The following GFRAL variants were observed in gnomAD, a reference collection of about 807,000 sequenced individuals.
GFRAL encodes GDNF family receptor alpha-like.
GFRAL carries 36 observed loss-of-function variants against 45.4 expected under a neutral mutation model. The observed-to-expected ratio is 0.79, with a 90% confidence interval of 0.61 to 1.05. GFRAL has a LOEUF of 1.05. Among genes scored for constraint, GFRAL ranks in the 50% least tolerant of loss-of-function variants. The probability of loss-of-function intolerance (pLI) is 0.00; values close to 1 mark genes in which losing one functional copy is unlikely to be tolerated. For synonymous variants in GFRAL, 166 were observed against 154.1 expected, an observed-to-expected ratio of 1.08 and a Z score of -0.57; for missense variants, 507 against 467.5, an observed-to-expected ratio of 1.08 and a Z score of -0.78.
chr6:55,365,639 T>C (rs1230918361), intron 6 of GFRAL, among the ~76,000 whole-genome samples: 10 of 134,738 alleles, frequency 7.4e-5, no homozygotes, highest in African/African-American at 3.0e-4. Flanking sequence ...ATTGAGAGTT[T>C]TTAGCATGAA....
intron 6 of GFRAL, among the ~76,000 whole-genome samples, chr6:55,380,022 T>A (rs1424858962): frequency 1.4e-4 from 22 of 152,016 alleles, no homozygotes; most frequent in Admixed American, 1.1e-3. Context: ...ATTGTGTATG[T>A]ATATCACATT....
At chr6:55,331,649 C>A in intron 1 of GFRAL, 66 bp from the exon 2 acceptor site, 2 of 1,452,876 alleles carry the variant, frequency 1.4e-6, no homozygotes, top group South Asian at 1.3e-5. Flanking sequence ...TCATTAATAA[C>A]TTAGATTTGA....
At chr6:55,367,012 C>T (rs1224141049) in intron 6 of GFRAL, among the ~76,000 whole-genome samples, 1 of 46,018 alleles carries the variant, frequency 2.2e-5, no homozygotes, top group East Asian at 3.6e-4. Flanking sequence ...CTTTCTGTCT[C>T]GTTGATCTGT....
intron 6 of GFRAL, among the ~76,000 whole-genome samples, chr6:55,369,331 C>T (rs1050017889): frequency 5.9e-5 from 9 of 152,292 alleles, no homozygotes; most frequent in African/African-American, 1.9e-4. Context: ...CACTGACCTG[C>T]GCCTACTGTC....
intron 6 of GFRAL, among the ~76,000 whole-genome samples, chr6:55,377,610 GA>G (rs971008135): frequency 9.2e-5 from 14 of 151,940 alleles, no homozygotes; most frequent in Non-Finnish European, 1.6e-4. Context: ...TATCTGTGGG[GA>G]GGCTGGGAAA....
At chr6:55,357,217 A>G (rs1326009679) in intron 5 of GFRAL, among the ~76,000 whole-genome samples, 1 of 151,982 alleles carries the variant, frequency 6.6e-6, no homozygotes, top group African/African-American at 2.4e-5. Flanking sequence ...TTTTATCTAT[A>G]GTGCAGATTA....
At chr6:55,392,980 G>C (rs771402624) in intron 6 of GFRAL, among the ~76,000 whole-genome samples, 7 of 152,034 alleles carry the variant, frequency 4.6e-5, no homozygotes, top group African/African-American at 1.7e-4. Context: ...AGAAATTGTC[G>C]TACATAGCGT....
chr6:55,363,594 C>A (rs796086179), intron 6 of GFRAL, among the ~76,000 whole-genome samples: 1 of 108,494 alleles, frequency 9.2e-6, no homozygotes, highest in Non-Finnish European at 1.8e-5. Context: ...CCCCTCCCCC[C>A]ACCCCACCTC....
In GFRAL at chr6:55,331,856, A is replaced by G. The variant is rs552808480; in HGVS notation, c.157+7A>G. 15 of 1,605,004 alleles carry G rather than the reference A, an allele frequency of 9.3e-6. No homozygotes were observed. In the South Asian group the frequency reaches 1.1e-4, roughly 12 times the overall value. Reference sequence around the variant, plus strand: ...GATGCCTGCAATGATTCAGGTAAACAAGTTGCTAAAAATACACTCAAATGA... The same window carrying G: ...GATGCCTGCAATGATTCAGGTAAACGAGTTGCTAAAAATACACTCAAATGA... On this transcript the variant is annotated splice_region_variant and intron_variant, in intron 2 of 8. Coordinates refer to ENST00000340465, the MANE Select transcript of GFRAL (RefSeq NM_207410.2).
chr6:55,395,650 A>G (rs554835665), intron 6 of GFRAL, among the ~76,000 whole-genome samples: 29 of 152,122 alleles, frequency 1.9e-4, no homozygotes, highest in African/African-American at 6.3e-4. Context: ...GTATTCTGAC[A>G]TTTATTTCTA....
intron 3 of GFRAL, among the ~76,000 whole-genome samples, chr6:55,343,659 G>A (rs1768000005): frequency 1.3e-5 from 2 of 151,942 alleles, no homozygotes; most frequent in South Asian, 4.2e-4. Flanking sequence ...CTAGCAGAAG[G>A]CAAGAAATAA....
intron 3 of GFRAL, among the ~76,000 whole-genome samples, chr6:55,343,092 C>T (rs1282789469): frequency 6.6e-6 from 1 of 151,956 alleles, no homozygotes; most frequent in Non-Finnish European, 1.5e-5. Context: ...ATTTTAACAC[C>T]CCACTGTCAA....
chr6:55,346,710 T>C (rs1337698652), intron 3 of GFRAL, among the ~76,000 whole-genome samples: 1 of 151,282 alleles, frequency 6.6e-6, no homozygotes, highest in Non-Finnish European at 1.5e-5. Context: ...AAAAAAAAAG[T>C]TGACCATATG....
intron 6 of GFRAL, among the ~76,000 whole-genome samples, chr6:55,393,197 G>A (rs544732289): frequency 1.1e-3 from 170 of 152,128 alleles, no homozygotes; most frequent in Admixed American, 1.9e-3. Context: ...TGTTTTCCTG[G>A]ATTCTAAAAT....
intron 3 of GFRAL, among the ~76,000 whole-genome samples, chr6:55,340,535 G>C (rs1581901130): frequency 6.6e-6 from 1 of 152,046 alleles, no homozygotes; most frequent in Non-Finnish European, 1.5e-5. Context: ...AACAAAAGTG[G>C]TTGGCAGCAG....
At chr6:55,335,603 A>G (rs146985246) in intron 3 of GFRAL, among the ~76,000 whole-genome samples, 1,988 of 152,286 alleles carry the variant, frequency 0.013, 23 homozygotes, top group Non-Finnish European at 0.022. Context: ...TACATTATGA[A>G]TTAATTTTTG....
chr6:55,355,868 T>C (rs934613437), intron 5 of GFRAL, among the ~76,000 whole-genome samples: 3 of 152,010 alleles, frequency 2.0e-5, no homozygotes, highest in Non-Finnish European at 4.4e-5. Flanking sequence ...TGCTCTGTCA[T>C]ATATGGCATT....
At chr6:55,367,003 T>C (rs1460943558) in intron 6 of GFRAL, among the ~76,000 whole-genome samples, 3 of 45,152 alleles carry the variant, frequency 6.6e-5, no homozygotes, top group Non-Finnish European at 1.2e-4. Flanking sequence ...CCTTGTTGAC[T>C]TTCTGTCTCG....
intron 6 of GFRAL, among the ~76,000 whole-genome samples, chr6:55,397,140 G>A (rs1768835813): frequency 6.6e-6 from 1 of 152,132 alleles, no homozygotes; most frequent in African/African-American, 2.4e-5. Context: ...GCCTTCCAAA[G>A]TGCTGGTTTT....
Sources: gnomAD v4.1 joint callset for allele counts (sites outside exome capture counted in the v4.1 genomes callset) on GRCh38, gnomAD v4.1.1 for gene constraint, MANE v1.5 for transcripts, NCBI Gene and HGNC (gene_info 2026-07-23, HGNC 2026-07-21) for gene names.